STK3: variants seen among roughly 807,000 people sequenced by gnomAD.
STK3 encodes serine/threonine kinase 3.
STK3 carries 41 observed loss-of-function variants against 58.0 expected under a neutral mutation model. The observed-to-expected ratio is 0.71, with a 90% confidence interval of 0.55 to 0.92. The LOEUF is 0.92. Among genes scored for constraint, STK3 ranks in the 40% least tolerant of loss-of-function variants. The probability of loss-of-function intolerance (pLI) is 0.00; values close to 1 mark genes in which losing one functional copy is unlikely to be tolerated. For missense variants in STK3, 479 were observed against 602.7 expected (o/e 0.79, Z 2.15); for synonymous variants, 170 against 191.0 (o/e 0.89, Z 0.91).
At chr8:98,902,237 C>CTAGGGAAAT in intron 1 of STK3, among the ~76,000 whole-genome samples, 1 of 152,264 alleles carries the variant, frequency 6.6e-6, no homozygotes, top group Non-Finnish European at 1.5e-5. Flanking sequence ...ATGACCTCAT[C>CTAGGGAAAT]CATTTCCATG....
intron 4 of STK3, among the ~76,000 whole-genome samples, chr8:98,737,545 G>T (rs141202695): frequency 5.9e-5 from 9 of 152,030 alleles, no homozygotes; most frequent in African/African-American, 2.2e-4. Flanking sequence ...GAGTAACAAC[G>T]GTAAAAACTG....
At chr8:98,343,976 T>G in the STK3 span, among the ~76,000 whole-genome samples, 1 of 152,072 alleles carries the variant, frequency 6.6e-6, no homozygotes, top group South Asian at 2.1e-4. Flanking sequence ...GAGTCAAAAT[T>G]TATTATCATT....
chr8:98,727,538 A>C (rs1312521899), intron 4 of STK3, among the ~76,000 whole-genome samples: 1 of 152,184 alleles, frequency 6.6e-6, no homozygotes, highest in Non-Finnish European at 1.5e-5. Flanking sequence ...AGTAAATACC[A>C]AACAGGAGAA....
intron 3 of STK3, among the ~76,000 whole-genome samples, chr8:98,848,500 C>T (rs1471663071): frequency 2.6e-5 from 4 of 152,174 alleles, no homozygotes; most frequent in Non-Finnish European, 5.9e-5. Context: ...CCGCCTGCCT[C>T]GGCCTTTCAA....
At chr8:98,567,747 C>T (rs1044185752) in intron 8 of STK3, among the ~76,000 whole-genome samples, 4 of 151,928 alleles carry the variant, frequency 2.6e-5, no homozygotes, top group Non-Finnish European at 5.9e-5. Context: ...GATCATATTA[C>T]AAACTCAATA....
chr8:98,818,357 T>C (rs1165844767), intron 1 of STK3, among the ~76,000 whole-genome samples: 2 of 152,186 alleles, frequency 1.3e-5, no homozygotes, highest in Admixed American at 6.5e-5. Context: ...ACTGAATGTA[T>C]GAATAAATGA....
intron 3 of STK3, chr8:98,413,557 A>G: frequency 1.5e-6 from 1 of 657,462 alleles, no homozygotes; most frequent in Non-Finnish European, 2.9e-6. Context: ...TCTAGGTCAG[A>G]GACAGATGAC....
chr8:98,612,480 A>AATATAT (rs58699516), intron 6 of STK3, among the ~76,000 whole-genome samples: 25 of 146,614 alleles, frequency 1.7e-4, no homozygotes, highest in African/African-American at 6.0e-4. Context: ...GAGAGATTCT[A>AATATAT]ATATATATAT....
Position 98,733,364 on chromosome 8 carries a change from G to C in STK3, c.351+15912C>G, listed in dbSNP as rs138980074. On this transcript the variant is annotated intron_variant, in intron 4 of 10. Coordinates refer to ENST00000419617, the MANE Select transcript of STK3 (RefSeq NM_006281.4). ...CAGCAGGTGAGTGGCGGGTGGGCAAGCATTACTGCCTGAGCTCCACCTCCT... is the reference window on the plus strand; with the variant it reads ...CAGCAGGTGAGTGGCGGGTGGGCAACCATTACTGCCTGAGCTCCACCTCCT... Among the ~76,000 whole-genome samples, 501 of 152,296 alleles carry C rather than the reference G, an allele frequency of 3.3e-3. 3 individuals are homozygous for C. The highest frequency in any genetic ancestry group is 0.011 in the African/African-American group (468 of 41,566).
chr8:98,429,468 T>C, intron 3 of STK3: 1 of 1,285,686 alleles, frequency 7.8e-7, no homozygotes, highest in Non-Finnish European at 1.1e-6. Flanking sequence ...CTTGTGCCTC[T>C]GGCACAGCCC....
At chr8:98,941,773 G>T (rs1051501178) in intron 1 of STK3, among the ~76,000 whole-genome samples, 106 of 152,232 alleles carry the variant, frequency 7.0e-4, no homozygotes, top group African/African-American at 2.4e-3. Context: ...AACTTGCAGC[G>T]GTTGGGGTTC....
intron 9 of STK3, among the ~76,000 whole-genome samples, chr8:98,536,929 G>A (rs973402409): frequency 3.3e-5 from 5 of 152,100 alleles, no homozygotes; most frequent in Non-Finnish European, 7.4e-5. Context: ...CTACGTCTCA[G>A]ATACATTATA....
At chr8:98,399,048 C>T (rs1024946470), downstream of STK3, among the ~76,000 whole-genome samples, 3 of 152,182 alleles carry the variant, frequency 2.0e-5, no homozygotes, top group Admixed American at 6.5e-5. Flanking sequence ...ATCCAGACCT[C>T]GTCTAATGCT....
At chr8:98,434,314 C>T (rs941294403) in exon 3 of STK3, 1 of 152,304 alleles carries the variant, frequency 6.6e-6, no homozygotes, top group African/African-American at 2.4e-5. Context: ...CTTTAGCCAC[C>T]ATCCCTGCAG....
At chr8:98,708,319 T>G (rs917200128) in intron 4 of STK3, among the ~76,000 whole-genome samples, 1 of 152,094 alleles carries the variant, frequency 6.6e-6, no homozygotes, top group African/African-American at 2.4e-5. Context: ...TATTTCAGAT[T>G]CTTGATGAAA....
chr8:98,512,041 T>C (rs1407307240), intron 10 of STK3, among the ~76,000 whole-genome samples: 1 of 152,122 alleles, frequency 6.6e-6, no homozygotes, highest in Non-Finnish European at 1.5e-5. Context: ...TACATATGTA[T>C]ACATGTGTCA....
At chr8:98,877,367 T>G (rs1166480920) in intron 3 of STK3, among the ~76,000 whole-genome samples, 1 of 152,194 alleles carries the variant, frequency 6.6e-6, no homozygotes, top group South Asian at 2.1e-4. Flanking sequence ...GCTTAAGGTG[T>G]TAGAACAAAT....
intron 1 of STK3, chr8:98,921,274 A>C (rs551440899): frequency 2.0e-5 from 3 of 152,126 alleles, no homozygotes; most frequent in African/African-American, 7.2e-5. Flanking sequence ...AAAAAAAAAA[A>C]AACATAAAAC....
chr8:98,875,310 G>A (rs927211854), intron 3 of STK3: 1 of 152,214 alleles, frequency 6.6e-6, no homozygotes, highest in African/African-American at 2.4e-5. Context: ...CTTAGGTACT[G>A]TGGCAAACTG....
Sources: allele counts gnomAD v4.1 joint callset (sites outside exome capture counted in the v4.1 genomes callset), GRCh38; gene constraint gnomAD v4.1.1; transcripts MANE v1.5; gene names NCBI Gene and HGNC (gene_info 2026-07-23, HGNC 2026-07-21).